PTPRT: variants seen among roughly 807,000 people sequenced by gnomAD.
The protein encoded by PTPRT is protein tyrosine phosphatase receptor type T.
In PTPRT, 56 loss-of-function variants were observed where a neutral mutation model predicts 176.8. The ratio of observed to expected loss-of-function variants is 0.32; its 90% CI spans 0.26 to 0.40. PTPRT has a LOEUF of 0.40. Among genes scored for constraint, PTPRT ranks in the 10% least tolerant of loss-of-function variants. PTPRT has a pLI of 1.00. For missense variants in PTPRT, 1,540 were observed against 1,908.2 expected (o/e 0.81, Z 3.60); for synonymous variants, 783 against 739.0 (o/e 1.06, Z -0.96).
chr20:42,559,013 G>A (rs1283962003), intron 7 of PTPRT, among the ~76,000 whole-genome samples: 1 of 152,192 alleles, frequency 6.6e-6, no homozygotes, highest in Non-Finnish European at 1.5e-5. Flanking sequence ...TGAACTCCAT[G>A]AGGACAAACA....
chr20:42,978,145 G>T (rs1229494696), intron 1 of PTPRT, among the ~76,000 whole-genome samples: 1 of 152,150 alleles, frequency 6.6e-6, no homozygotes, highest in Non-Finnish European at 1.5e-5. Flanking sequence ...ACTACGTTTT[G>T]TCCTGAACAT....
intron 7 of PTPRT, among the ~76,000 whole-genome samples, chr20:42,582,859 C>T (rs946961209): frequency 2.0e-5 from 3 of 152,124 alleles, no homozygotes; most frequent in Non-Finnish European, 2.9e-5. Flanking sequence ...AATTAATCCC[C>T]AAATGGTTCT....
intron 1 of PTPRT, among the ~76,000 whole-genome samples, chr20:42,982,945 G>A (rs577590496): frequency 1.3e-5 from 2 of 152,136 alleles, no homozygotes; most frequent in Non-Finnish European, 2.9e-5. Flanking sequence ...CATACCTTAC[G>A]GGCATTAGAC....
chr20:42,851,786 A>G (rs60370651), intron 2 of PTPRT, among the ~76,000 whole-genome samples: 181 of 152,344 alleles, frequency 1.2e-3, no homozygotes, highest in African/African-American at 3.9e-3. Flanking sequence ...ATGTTTCAAT[A>G]CATTTAATTT....
intron 18 of PTPRT, among the ~76,000 whole-genome samples, chr20:42,130,017 AT>A (rs1226013806): frequency 6.6e-6 from 1 of 152,182 alleles, no homozygotes; most frequent in Non-Finnish European, 1.5e-5. Context: ...CTTGTTACAA[AT>A]GAGGAAACTG....
At chr20:42,626,402 G>A (rs375785631) in intron 7 of PTPRT, among the ~76,000 whole-genome samples, 1 of 152,114 alleles carries the variant, frequency 6.6e-6, no homozygotes, top group African/African-American at 2.4e-5. Context: ...ATTAGACTAA[G>A]AACCCACTGG....
At chr20:42,375,668 G>A (rs752045108) in intron 9 of PTPRT, among the ~76,000 whole-genome samples, 2 of 152,190 alleles carry the variant, frequency 1.3e-5, no homozygotes, top group Admixed American at 1.3e-4. Context: ...AAGGAACTAA[G>A]AGAGGTGGTA....
At chr20:42,766,637 C>A (rs1281235792) in intron 5 of PTPRT, among the ~76,000 whole-genome samples, 1 of 152,090 alleles carries the variant, frequency 6.6e-6, no homozygotes, top group African/African-American at 2.4e-5. Context: ...CTATAAAGTC[C>A]CACTCTACAG....
At chr20:42,032,060 A>T in the PTPRT span, among the ~76,000 whole-genome samples, 3 of 152,286 alleles carry the variant, frequency 2.0e-5, no homozygotes, top group East Asian at 5.8e-4. Context: ...AACCCATGCA[A>T]TCTGGCTCCA....
At chr20:42,882,312 T>C (rs990931172) in intron 2 of PTPRT, among the ~76,000 whole-genome samples, 2 of 152,212 alleles carry the variant, frequency 1.3e-5, no homozygotes, top group Non-Finnish European at 2.9e-5. Flanking sequence ...ATTTCAGTGA[T>C]CATTATCAAA....
At position 43,090,997 on chromosome 20, in the gene PTPRT, G is replaced by A. The variant is rs191606595; in HGVS notation, c.88+98649C>T. 8.5e-5 allele frequency among the ~76,000 whole-genome samples: 13 copies of A among 152,312 alleles called. No individual in the cohort carries two copies. In the South Asian group the frequency reaches 1.2e-3, roughly 15 times the overall value. ...TGTAATCCCAGAACTTTGGGAGGCCGAGGCGGGCAGATCACTTGAGGTCAG... is the reference window on the plus strand; with the variant it reads ...TGTAATCCCAGAACTTTGGGAGGCCAAGGCGGGCAGATCACTTGAGGTCAG... On this transcript the variant is annotated intron_variant, in intron 1 of 30. Transcript: ENST00000373187.
At chr20:42,178,338 A>G (rs1430508051) in intron 16 of PTPRT, among the ~76,000 whole-genome samples, 1 of 152,196 alleles carries the variant, frequency 6.6e-6, no homozygotes, top group Non-Finnish European at 1.5e-5. Flanking sequence ...TGTTACAGGG[A>G]AACAGTCCCT....
intron 9 of PTPRT, among the ~76,000 whole-genome samples, chr20:42,447,410 C>T (rs79722755): frequency 0.024 from 3,637 of 151,866 alleles, 138 homozygotes; most frequent in African/African-American, 0.079. Context: ...ATTCCAGCTT[C>T]GGTATCCATG....
chr20:43,161,407 A>C (rs1375460519), intron 1 of PTPRT, among the ~76,000 whole-genome samples: 2 of 152,214 alleles, frequency 1.3e-5, no homozygotes, highest in African/African-American at 4.8e-5. Context: ...TACGGTCATT[A>C]ATAAAAACAC....
chr20:42,724,681 C>T (rs1485052521), intron 6 of PTPRT, among the ~76,000 whole-genome samples: 1 of 152,088 alleles, frequency 6.6e-6, no homozygotes, highest in Admixed American at 6.5e-5. Context: ...GCTTGTAATC[C>T]CAACACTTTG....
At chr20:43,177,232 A>G (rs1464563499) in intron 1 of PTPRT, among the ~76,000 whole-genome samples, 1 of 152,218 alleles carries the variant, frequency 6.6e-6, no homozygotes, top group Non-Finnish European at 1.5e-5. Context: ...CGGGGAGCTG[A>G]GTCTAGTGGA....
intron 9 of PTPRT, among the ~76,000 whole-genome samples, chr20:42,356,176 C>T (rs768958605): frequency 3.9e-5 from 6 of 151,928 alleles, no homozygotes; most frequent in Non-Finnish European, 8.8e-5. Flanking sequence ...TGGCTGTAAA[C>T]GTATAATATA....
At chr20:42,186,139 G>A (rs903871123) in intron 16 of PTPRT, among the ~76,000 whole-genome samples, 19 of 152,172 alleles carry the variant, frequency 1.2e-4, no homozygotes, top group African/African-American at 4.6e-4. Flanking sequence ...CATGGGTATA[G>A]CCAGTGATCT....
intron 1 of PTPRT, among the ~76,000 whole-genome samples, chr20:42,904,453 T>G (rs1054156337): frequency 6.6e-6 from 1 of 152,178 alleles, no homozygotes; most frequent in Non-Finnish European, 1.5e-5. Flanking sequence ...GCTGAGTCAC[T>G]TTCTGTTTAA....
Sources: allele counts gnomAD v4.1 joint callset (sites outside exome capture counted in the v4.1 genomes callset), GRCh38; gene constraint gnomAD v4.1.1; transcripts MANE v1.5; gene names NCBI Gene and HGNC (gene_info 2026-07-23, HGNC 2026-07-21).